TLE4: variants seen among roughly 807,000 people sequenced by gnomAD.
TLE4 encodes transducin-like enhancer protein 4.
Under a neutral mutation model 92.8 loss-of-function variants are expected in TLE4, and 8 were observed. The ratio of observed to expected loss-of-function variants is 0.09; its 90% confidence interval spans 0.05 to 0.16. The LOEUF (loss-of-function observed/expected upper bound fraction) is 0.16, where lower values mean the gene tolerates loss of function less well. Ranked by LOEUF, TLE4 falls within the 10% of genes least tolerant of loss-of-function variation. TLE4 has a pLI of 1.00. For synonymous variants in TLE4, 371 were observed against 374.1 expected (o/e 0.99, Z 0.10); for missense variants, 675 against 997.6 (o/e 0.68, Z 4.36).
intron 5 of TLE4, among the ~76,000 whole-genome samples, chr9:79,622,691 C>G (rs1382170742): frequency 6.6e-6 from 1 of 152,124 alleles, no homozygotes; most frequent in East Asian, 1.9e-4. Flanking sequence ...TTACTCTAAC[C>G]TTAGTATCTC....
intron 8 of TLE4, among the ~76,000 whole-genome samples, chr9:79,692,129 A>T (rs2135548350): frequency 6.6e-6 from 1 of 152,242 alleles, no homozygotes; most frequent in South Asian, 2.1e-4. Context: ...CTTTAGAATT[A>T]TTTGTCAAAT....
At chr9:79,609,116 G>A (rs1020448478) in intron 4 of TLE4, among the ~76,000 whole-genome samples, 1 of 152,068 alleles carries the variant, frequency 6.6e-6, no homozygotes, top group African/African-American at 2.4e-5. Flanking sequence ...TTCAACACAT[G>A]ACATCACTTT....
intron 4 of TLE4, among the ~76,000 whole-genome samples, chr9:79,611,753 T>C (rs1446814200): frequency 1.3e-5 from 2 of 151,960 alleles, no homozygotes; most frequent in African/African-American, 2.4e-5. Flanking sequence ...AGGCACCATC[T>C]GAAAAATACA....
chr9:79,620,286 T>G (rs2050639409), intron 5 of TLE4, among the ~76,000 whole-genome samples: 1 of 152,228 alleles, frequency 6.6e-6, no homozygotes, highest in Non-Finnish European at 1.5e-5. Context: ...GTTCAGTTTC[T>G]TAGTTACTCT....
chr9:79,573,129 G>A, intron 1 of TLE4: 2 of 658,566 alleles, frequency 3.0e-6, no homozygotes, highest in Non-Finnish European at 4.2e-6. Flanking sequence ...TCGAGGGGGG[G>A]TGGCGAGCGA....
chr9:79,719,042 A>T (rs554289119), intron 15 of TLE4, 71 bp downstream of exon 15: 5 of 1,545,646 alleles, frequency 3.2e-6, no homozygotes, highest in Non-Finnish European at 3.5e-6. Context: ...AGAGAACTGT[A>T]TGTATGAGCA....
At chr9:79,587,878 G>T (rs1295028284) in intron 4 of TLE4, among the ~76,000 whole-genome samples, 1 of 152,202 alleles carries the variant, frequency 6.6e-6, no homozygotes, top group African/African-American at 2.4e-5. Flanking sequence ...ACCAGGTAAA[G>T]CACTAAATGC....
chr9:79,711,199 G>A (rs544196898), intron 14 of TLE4, among the ~76,000 whole-genome samples: 4 of 152,278 alleles, frequency 2.6e-5, no homozygotes, highest in African/African-American at 9.6e-5. Context: ...TGGCTCCACA[G>A]CCAAGTTGCT....
At chr9:79,671,923 G>T (rs1165008450) in intron 8 of TLE4, among the ~76,000 whole-genome samples, 1 of 116,826 alleles carries the variant, frequency 8.6e-6, no homozygotes, top group Non-Finnish European at 1.7e-5. Flanking sequence ...CAGTTTCTCC[G>T]TTAAAAAAAA....
intron 5 of TLE4, among the ~76,000 whole-genome samples, chr9:79,616,814 A>C (rs980757939): frequency 3.9e-5 from 6 of 152,172 alleles, no homozygotes; most frequent in Non-Finnish European, 7.4e-5. Context: ...ACTCTACATC[A>C]CTGTTACACC....
chr9:79,643,329 T>C (rs1236274555), intron 6 of TLE4, among the ~76,000 whole-genome samples: 1 of 152,238 alleles, frequency 6.6e-6, no homozygotes, highest in African/African-American at 2.4e-5. Context: ...TTCAGTGTGC[T>C]TCTTCTATGA....
chr9:79,583,917 G>A (rs1335143088), intron 4 of TLE4, among the ~76,000 whole-genome samples: 1 of 152,092 alleles, frequency 6.6e-6, no homozygotes, highest in Admixed American at 6.5e-5. Context: ...TCTGTCAGTG[G>A]AGTACCCAAC....
chr9:79,635,575 T>G (rs1190549093), intron 6 of TLE4, among the ~76,000 whole-genome samples: 1 of 147,586 alleles, frequency 6.8e-6, no homozygotes, highest in Non-Finnish European at 1.5e-5. Flanking sequence ...AAGTTGAGGT[T>G]TTTTTTTTTT....
intron 4 of TLE4, among the ~76,000 whole-genome samples, chr9:79,611,581 T>C (rs1194526751): frequency 6.6e-6 from 1 of 152,056 alleles, no homozygotes; most frequent in Non-Finnish European, 1.5e-5. Flanking sequence ...GAACTGACCC[T>C]GGATGGAATT....
chr9:79,652,886 G>GT (rs1359889454), intron 7 of TLE4, 92 bp downstream of exon 7: 18 of 1,334,106 alleles, frequency 1.3e-5, no homozygotes, highest in Non-Finnish European at 1.8e-5. Flanking sequence ...TCTGAATTTA[G>GT]TTTTACCAGT....
At chr9:79,643,932 A>G (rs1224258900) in intron 6 of TLE4, among the ~76,000 whole-genome samples, 1 of 151,542 alleles carries the variant, frequency 6.6e-6, no homozygotes, top group Non-Finnish European at 1.5e-5. Flanking sequence ...TCGCTCCCTC[A>G]CTCTCTGTGC....
chr9:79,637,442 T>C (rs1284115200), intron 6 of TLE4, among the ~76,000 whole-genome samples: 1 of 152,168 alleles, frequency 6.6e-6, no homozygotes, highest in Non-Finnish European at 1.5e-5. Flanking sequence ...CATTTAACCA[T>C]TATGCTACAC....
intron 4 of TLE4, among the ~76,000 whole-genome samples, chr9:79,604,570 G>A (rs1040927608): frequency 2.6e-5 from 4 of 152,190 alleles, no homozygotes; most frequent in Middle Eastern, 3.4e-3. Context: ...TGGAAGAAGA[G>A]GAAAGAAAAT....
chr9:79,690,859 C>G (rs931599247), intron 8 of TLE4, among the ~76,000 whole-genome samples: 1 of 134,004 alleles, frequency 7.5e-6, no homozygotes, highest in African/African-American at 2.8e-5. Flanking sequence ...TGGTCTCGAA[C>G]TCTTGGACTC....
Sources: allele counts gnomAD v4.1 joint callset (sites outside exome capture counted in the v4.1 genomes callset), GRCh38; gene constraint gnomAD v4.1.1; transcripts MANE v1.5; gene names NCBI Gene and HGNC (gene_info 2026-07-23, HGNC 2026-07-21).